Variants in LMTK2 observed in about 807,000 individuals in gnomAD.
LMTK2 encodes the protein lemur tail kinase 2.
Under a neutral mutation model 127.5 loss-of-function variants are expected in LMTK2, and 37 were observed. That is an observed-to-expected ratio of 0.29 (90% confidence interval 0.22 to 0.38). The LOEUF (loss-of-function observed/expected upper bound fraction) is 0.38. LMTK2 is among the 10% of genes least tolerant of loss of function. The pLI is 1.00. For synonymous variants in LMTK2, 819 were observed against 810.1 expected (o/e 1.01, Z -0.19); for missense variants, 1,694 against 1,920.3 (o/e 0.88, Z 2.20).
Position 98,194,042 on chromosome 7 carries a change from C to A in LMTK2, c.3577C>A (p.Pro1193Thr), listed in dbSNP as rs1797584838. Reference protein sequence around the residue: ...AQTGVPQQVHPTEDEASSPWS... With the variant: ...AQTGVPQQVHTTEDEASSPWS... The stretch of plus-strand genomic sequence containing the variant: ...GACTGGTGTTCCCCAGCAGGTGCAT[C>A]CCACGGAAGACGAGGCCAGCAGTCC... Residue 1193 changes from proline (P) to threonine (T), a missense_variant, in exon 11 of 14, where the codon CCC (proline) becomes ACC (threonine). Coordinates refer to ENST00000297293, the MANE Select transcript of LMTK2 (RefSeq NM_014916.4). The surrounding 1 kb of genome is among the most constrained non-coding windows in gnomAD (Gnocchi z 5.4). 3 of 1,614,126 alleles carry A rather than the reference C, an allele frequency of 1.9e-6. No homozygotes were observed. Among genetic ancestry groups the A allele is most frequent in the Non-Finnish European group, 2.5e-6 (3 of 1,180,048 alleles).
intron 1 of LMTK2, among the ~76,000 whole-genome samples, chr7:98,121,711 T>C (rs890441492): frequency 2.7e-5 from 4 of 150,602 alleles, no homozygotes; most frequent in African/African-American, 7.3e-5. Flanking sequence ...ATATTGTTTT[T>C]AAATTTGTGC....
chr7:98,151,263 T>G (rs1796849485), intron 3 of LMTK2, 119 bp from the exon 4 acceptor site: 1 of 595,456 alleles, frequency 1.7e-6, no homozygotes. Context: ...AAGAGGTGTT[T>G]TATGTATTTA....
intron 1 of LMTK2, among the ~76,000 whole-genome samples, chr7:98,110,867 C>T (rs1796193095): frequency 6.6e-6 from 1 of 152,164 alleles, no homozygotes; most frequent in Non-Finnish European, 1.5e-5. Context: ...TAAACAGCAG[C>T]TTGTGAAACC....
At chr7:98,176,190 T>C (rs1441580011) in intron 7 of LMTK2, among the ~76,000 whole-genome samples, 1 of 152,242 alleles carries the variant, frequency 6.6e-6, no homozygotes, top group African/African-American at 2.4e-5. Flanking sequence ...AAATACATTA[T>C]AGCAATAGAT....
chr7:98,106,901 T>C lies in LMTK2; in HGVS notation c.-277T>C, dbSNP rs1167119972. ...CCCATCATGGCGGCGGGAGCGCGGC[T>C]TCCCAGGCCCGCCGCTCCGCAGGGC... On this transcript the variant is annotated 5_prime_UTR_variant, in exon 1 of 14. Coordinates refer to ENST00000297293, the MANE Select transcript of LMTK2 (RefSeq NM_014916.4). 2 of 438,120 alleles carry C rather than the reference T, an allele frequency of 4.6e-6. No individual in the cohort carries two copies. Among genetic ancestry groups the C allele is most frequent in the South Asian group, 4.8e-5 (1 of 20,742 alleles). 27.1% of individuals were successfully genotyped at this position (438,120 alleles called of 1,614,324 possible).
rs1797533974 is a variant in LMTK2, at chr7:98,192,004, G to A, written c.1539G>A (p.Ser513=). Reference sequence around the variant, plus strand: ...ATCCGGTTGAAGTTTTTGAGAGTTCGCTTTCAGATCCTGGGCCCGGAAAGC... The same window carrying A: ...ATCCGGTTGAAGTTTTTGAGAGTTCACTTTCAGATCCTGGGCCCGGAAAGC... ...IFYPVEVFES[S]LSDPGPGKQD... is the part of the protein sequence containing the mutation. The change falls in exon 11 of 14, where the codon TCG becomes TCA. Residue 513 remains serine (S), a synonymous_variant. Coordinates refer to ENST00000297293, the MANE Select transcript of LMTK2 (RefSeq NM_014916.4). 3 of 1,610,462 alleles carry A rather than the reference G, an allele frequency of 1.9e-6. No individual in the cohort carries two copies. Among genetic ancestry groups the A allele is most frequent in the Non-Finnish European group, 2.5e-6 (3 of 1,176,998 alleles).
intron 4 of LMTK2, among the ~76,000 whole-genome samples, chr7:98,154,321 C>T (rs919453100): frequency 6.6e-6 from 1 of 152,136 alleles, no homozygotes; most frequent in African/African-American, 2.4e-5. Flanking sequence ...AATTAGCTTT[C>T]GTCAGTTTAC....
chr7:98,159,405 G>C lies in LMTK2; in HGVS notation c.637G>C (p.Val213Leu). 1 of 1,610,304 alleles carries C rather than the reference G, an allele frequency of 6.2e-7. No individual in the cohort carries two copies. The highest frequency in any genetic ancestry group is 8.5e-7 in the Non-Finnish European group (1 of 1,177,170). The change falls in exon 6 of 14, where the codon GTG becomes CTG. Residue 213 changes from valine to leucine, a missense_variant. Val to Leu is a conservative substitution (Grantham distance 32, BLOSUM62 1). Coordinates refer to ENST00000297293, the MANE Select transcript of LMTK2 (RefSeq NM_014916.4). ...CGTAGAAGCGATTCCCTACCTCCTG[G>C]TGTTTGAGTTCTGTGACTTGGTAAG... is the stretch of plus-strand genomic sequence containing the variant. ...QCVEAIPYLL[V>L]FEFCDLGDLK...
rs1451945839 is a variant in LMTK2 at position 98,128,368 on chromosome 7, C to G, written c.104-8947C>G. Among the ~76,000 whole-genome samples the G allele has an allele frequency of 2.0e-5, 3 of 152,058 alleles. No individual in the cohort carries two copies. In the East Asian group the frequency reaches 5.8e-4, roughly 29 times the overall value. Reference sequence around the variant, plus strand: ...CACACACAGAGACACCAGGGATGCACACGGAAGAAAGCCCCTTTGAGAATG... The same window carrying G: ...CACACACAGAGACACCAGGGATGCAGACGGAAGAAAGCCCCTTTGAGAATG... On this transcript the variant is annotated intron_variant, in intron 1 of 13. Transcript: ENST00000297293.
Position 98,108,838 on chromosome 7 carries a change from C to G in LMTK2, c.103+1558C>G, listed in dbSNP as rs76547110. On this transcript the variant is annotated intron_variant, in intron 1 of 13. Transcript: ENST00000297293. ...TTGAAGTATCGATTCTTTATAGGAA[C>G]CTATGTCTGCCTGCACACTTTTTTT... Among the ~76,000 whole-genome samples the G allele has an allele frequency of 8.4e-3, 1,262 of 149,740 alleles. 19 individuals carry two copies. Among genetic ancestry groups the G allele is most frequent in the African/African-American group, 0.029 (1,178 of 40,884 alleles).
At chr7:98,182,423 A>G (rs1797368204) in intron 7 of LMTK2, among the ~76,000 whole-genome samples, 1 of 152,234 alleles carries the variant, frequency 6.6e-6, no homozygotes, top group African/African-American at 2.4e-5. Flanking sequence ...AAAATGAAGG[A>G]AAGTGTGTAT....
chr7:98,119,006 C>T (rs556498409), intron 1 of LMTK2, among the ~76,000 whole-genome samples: 4 of 150,986 alleles, frequency 2.6e-5, no homozygotes, highest in South Asian at 2.1e-4. Context: ...GCAAGATAAT[C>T]GCTTGAACCT....
At position 98,191,713 on chromosome 7, in the gene LMTK2, G is replaced by A; in HGVS notation, c.1248G>A (p.Arg416=). The change falls in exon 11 of 14, where the codon CGG becomes CGA. Residue 416 remains arginine (R), a synonymous_variant. Coordinates refer to ENST00000297293, the MANE Select transcript of LMTK2 (RefSeq NM_014916.4). ...CTTACCTGCGGCTGCAGAGCCAGCGGGACTCAGAGGTCGACTTTGAACAGC... is the reference window on the plus strand; with the variant it reads ...CTTACCTGCGGCTGCAGAGCCAGCGAGACTCAGAGGTCGACTTTGAACAGC... ...LLTYLRLQSQ[R]DSEVDFEQQW... 6.2e-7 allele frequency: 1 copy of A among 1,614,220 alleles called. No homozygotes were observed. Among genetic ancestry groups the A allele is most frequent in the Non-Finnish European group, 8.5e-7 (1 of 1,180,044 alleles).
rs1224488188 is a variant in LMTK2 at position 98,203,687 on chromosome 7, A to T, written c.4221A>T (p.Glu1407Asp). ...ACCTGAGCAGGTGCATCAACTCCGA[A>T]AGCTCCACCGACGAAGAAGGTATTT... is the stretch of plus-strand genomic sequence containing the variant. ...SPYLSRCINS[E>D]SSTDEEGGGF... The change falls in exon 12 of 14, where the codon GAA becomes GAT. Residue 1407 changes from glutamate (E) to aspartate (D), a missense_variant. By Grantham distance (45) the Glu-to-Asp change is conservative. Coordinates refer to ENST00000297293, the MANE Select transcript of LMTK2 (RefSeq NM_014916.4). 6.2e-7 allele frequency: 1 copy of T among 1,613,786 alleles called. No homozygotes were observed. Among genetic ancestry groups the T allele is most frequent in the Non-Finnish European group, 8.5e-7 (1 of 1,179,982 alleles).
chr7:98,134,854 T>C (rs1267519956), intron 1 of LMTK2, among the ~76,000 whole-genome samples: 5 of 152,288 alleles, frequency 3.3e-5, no homozygotes, highest in African/African-American at 1.2e-4. Context: ...GTTAGGGAGT[T>C]CTTGTTCTCA....
At position 98,165,269 on chromosome 7, in the gene LMTK2, CG is replaced by C. The variant is rs144032591; in HGVS notation, c.657+5845del. 5.6e-3 allele frequency among the ~76,000 whole-genome samples: 847 copies of C among 152,252 alleles called. 8 individuals carry two copies. Among genetic ancestry groups the C allele is most frequent in the Middle Eastern group, 0.027 (8 of 294 alleles). On this transcript the variant is annotated intron_variant, in intron 6 of 13. Coordinates refer to ENST00000297293, the MANE Select transcript of LMTK2 (RefSeq NM_014916.4). ...CTGGGCATTTGATGTATGTTCCCATCGAGTGAGTTGTCTTGACAACGCTGTG... is the reference window on the plus strand; with the variant it reads ...CTGGGCATTTGATGTATGTTCCCATCAGTGAGTTGTCTTGACAACGCTGTG...
Position 98,186,952 on chromosome 7 carries a change from C to G in LMTK2, c.952C>G (p.Gln318Glu). Residue 318 changes from glutamine to glutamate, a missense_variant, in exon 9 of 14, where the codon CAA becomes GAA. This residue lies in a region of LMTK2 where 47 missense variants were observed against 95.4 expected (regional missense o/e 0.49). Transcript: ENST00000297293. ...WTAPELVTSF[Q>E]DRLLTADQTK... Reference sequence around the variant, plus strand: ...TGCTCCAGAATTAGTAACCAGCTTTCAAGACAGACTGCTAACTGCAGATCA... The same window carrying G: ...TGCTCCAGAATTAGTAACCAGCTTTGAAGACAGACTGCTAACTGCAGATCA... 1.2e-6 allele frequency: 2 copies of G among 1,613,830 alleles called. No individual in the cohort carries two copies. The highest frequency in any genetic ancestry group is 1.7e-6 in the Non-Finnish European group (2 of 1,179,712).
At chr7:98,204,293 A>G (rs1479251535) in intron 13 of LMTK2, 107 bp downstream of exon 13, 2 of 1,410,324 alleles carry the variant, frequency 1.4e-6, no homozygotes, top group African/African-American at 1.4e-5. Context: ...TCTTCTTCAC[A>G]TTTGCTGAGT....
At chr7:98,157,256 GGT>G (rs1796938622) in intron 5 of LMTK2, among the ~76,000 whole-genome samples, 6 of 2,486 alleles carry the variant, frequency 2.4e-3, no homozygotes, top group Non-Finnish European at 3.5e-3. Context: ...TGTCTCGGTA[GGT>G]AGGTAGGTAG....
Sources: gnomAD v4.1 joint callset for allele counts (sites outside exome capture counted in the v4.1 genomes callset) on GRCh38, gnomAD v4.1.1 for gene constraint, gnomAD v4.1.1 regional missense constraint, Gnocchi (gnomAD v3.1) non-coding constraint, MANE v1.5 for transcripts, NCBI Gene and HGNC (gene_info 2026-07-23, HGNC 2026-07-21) for gene names.